GRM8: variants seen among roughly 807,000 people sequenced by gnomAD.
GRM8 encodes glutamate metabotropic receptor 8.
In GRM8, 47 loss-of-function variants were observed where a neutral mutation model predicts 87.2. The observed-to-expected ratio is 0.54, with a 90% confidence interval of 0.43 to 0.69. The LOEUF (loss-of-function observed/expected upper bound fraction) is 0.69. GRM8 is among the 30% of genes least tolerant of loss of function. The pLI is 0.00. For synonymous variants in GRM8, 396 were observed against 404.5 expected, an observed-to-expected ratio of 0.98 and a Z score of 0.25; for missense variants, 1,019 against 1,139.2, an observed-to-expected ratio of 0.89 and a Z score of 1.52.
At chr7:126,912,382 ATCT>A (rs1052284884) in intron 3 of GRM8, among the ~76,000 whole-genome samples, 2 of 152,200 alleles carry the variant, frequency 1.3e-5, no homozygotes, top group South Asian at 2.1e-4. Flanking sequence ...TGGGACATTG[ATCT>A]TCTCCTGCTC....
intron 8 of GRM8, among the ~76,000 whole-genome samples, chr7:126,576,575 A>G (rs922078398): frequency 6.6e-6 from 1 of 151,950 alleles, no homozygotes; most frequent in Non-Finnish European, 1.5e-5. Context: ...AAACCACCAC[A>G]CCCGGCCCCC....
At chr7:126,721,469 C>T (rs1812387287) in intron 7 of GRM8, among the ~76,000 whole-genome samples, 1 of 152,016 alleles carries the variant, frequency 6.6e-6, no homozygotes, top group Non-Finnish European at 1.5e-5. Context: ...GAAGATTAAA[C>T]TCTTTCTTGG....
chr7:126,804,593 T>A (rs559255352), intron 6 of GRM8, among the ~76,000 whole-genome samples: 19 of 152,222 alleles, frequency 1.2e-4, no homozygotes, highest in Non-Finnish European at 2.4e-4. Flanking sequence ...TTAAAGAAAA[T>A]CTAGTTATAA....
chr7:126,640,526 A>G (rs1802268203), intron 7 of GRM8, among the ~76,000 whole-genome samples: 1 of 152,196 alleles, frequency 6.6e-6, no homozygotes, highest in South Asian at 2.1e-4. Flanking sequence ...ATTTATGTAT[A>G]AAAGTATGCA....
intron 8 of GRM8, among the ~76,000 whole-genome samples, chr7:126,544,633 C>G (rs1816931791): frequency 6.6e-6 from 1 of 152,072 alleles, no homozygotes. Context: ...GCCTCAGCCT[C>G]CCGAGTAGCT....
intron 9 of GRM8, among the ~76,000 whole-genome samples, chr7:126,489,522 T>G (rs913955304): frequency 2.0e-5 from 3 of 152,042 alleles, no homozygotes; most frequent in Non-Finnish European, 4.4e-5. Context: ...TTACCCGGTA[T>G]TAGTAGTCTA....
intron 9 of GRM8, among the ~76,000 whole-genome samples, chr7:126,461,997 A>G (rs1220524189): frequency 1.3e-5 from 2 of 151,626 alleles, no homozygotes; most frequent in African/African-American, 2.4e-5. Context: ...GAAGGGATGG[A>G]TATTTCTCAC....
At chr7:126,518,920 A>G (rs1327314545) in intron 9 of GRM8, among the ~76,000 whole-genome samples, 10 of 152,246 alleles carry the variant, frequency 6.6e-5, no homozygotes, top group African/African-American at 2.2e-4. Context: ...AATCAAGTCC[A>G]CAGATATGTT....
At chr7:126,766,023 T>C (rs966440956) in intron 7 of GRM8, among the ~76,000 whole-genome samples, 1 of 152,124 alleles carries the variant, frequency 6.6e-6, no homozygotes, top group African/African-American at 2.4e-5. Context: ...ATTCCAGCTT[T>C]AGTTAGTTAT....
chr7:126,744,754 T>A (rs138508079), intron 7 of GRM8, among the ~76,000 whole-genome samples: 5 of 152,068 alleles, frequency 3.3e-5, no homozygotes, highest in Non-Finnish European at 7.4e-5. Flanking sequence ...TAGATATGTG[T>A]CAGACCAGAT....
At chr7:126,940,372 A>C (rs1210300547) in intron 3 of GRM8, among the ~76,000 whole-genome samples, 1 of 152,162 alleles carries the variant, frequency 6.6e-6, no homozygotes, top group Non-Finnish European at 1.5e-5. Flanking sequence ...GATTTTTCTC[A>C]GCCATGGAGC....
At chr7:126,884,688 T>C (rs562529419) in intron 6 of GRM8, among the ~76,000 whole-genome samples, 1 of 152,314 alleles carries the variant, frequency 6.6e-6, no homozygotes, top group African/African-American at 2.4e-5. Context: ...GTCTAGTTAT[T>C]CATTTAACAA....
chr7:126,749,992 T>C (rs1816227214), intron 7 of GRM8, among the ~76,000 whole-genome samples: 1 of 152,144 alleles, frequency 6.6e-6, no homozygotes, highest in Non-Finnish European at 1.5e-5. Flanking sequence ...TCCCAAGTAT[T>C]TAGCCAAGAG....
intron 2 of GRM8, among the ~76,000 whole-genome samples, chr7:127,196,851 TGAAGACTAAATGA>T (rs1257332875): frequency 6.6e-6 from 1 of 152,168 alleles, no homozygotes; most frequent in Non-Finnish European, 1.5e-5. Flanking sequence ...ATGGTTTTGG[TGAAGACTAAATGA>T]GCTAATACAT....
Position 126,845,992 on chromosome 7 carries a change from A to C in GRM8, c.1156+56550T>G, listed in dbSNP as rs546857417. Among the ~76,000 whole-genome samples, 4 of 152,130 alleles carry C rather than the reference A, an allele frequency of 2.6e-5. No homozygotes were observed. In the East Asian group the frequency reaches 7.7e-4, roughly 29 times the overall value. ...TCATCACTGACTCTATTCTTCCTATAAAAAATGGAAATAATTAACTCCTAT... is the reference window on the plus strand; with the variant it reads ...TCATCACTGACTCTATTCTTCCTATCAAAAATGGAAATAATTAACTCCTAT... On this transcript the variant is annotated intron_variant, in intron 6 of 10. Transcript: ENST00000339582.
chr7:126,886,377 TCTC>T (rs1449316804), intron 6 of GRM8, among the ~76,000 whole-genome samples: 1 of 152,152 alleles, frequency 6.6e-6, no homozygotes, highest in East Asian at 1.9e-4. Context: ...TTCAATTTTT[TCTC>T]CTATGTATTT....
chr7:126,589,691 AC>A (rs1796493512), intron 8 of GRM8, among the ~76,000 whole-genome samples: 1 of 152,078 alleles, frequency 6.6e-6, no homozygotes, highest in Admixed American at 6.5e-5. Flanking sequence ...GCAATAAACA[AC>A]AATAATACAA....
At chr7:126,762,284 T>C (rs111401621) in intron 7 of GRM8, among the ~76,000 whole-genome samples, 60 of 152,206 alleles carry the variant, frequency 3.9e-4, no homozygotes, top group Middle Eastern at 3.4e-3. Flanking sequence ...TAAAAGATTA[T>C]GTAGAGAATT....
intron 3 of GRM8, among the ~76,000 whole-genome samples, chr7:126,983,330 C>G (rs188402567): frequency 3.3e-5 from 5 of 152,036 alleles, no homozygotes; most frequent in African/African-American, 9.6e-5. Flanking sequence ...CTTTGGAAGT[C>G]AGAATTAAAA....
Sources: gnomAD v4.1 joint callset for allele counts (sites outside exome capture counted in the v4.1 genomes callset) on GRCh38, gnomAD v4.1.1 for gene constraint, MANE v1.5 for transcripts, NCBI Gene and HGNC (gene_info 2026-07-23, HGNC 2026-07-21) for gene names.